Variants in SMYD3 observed in about 807,000 individuals in gnomAD.
SMYD3 encodes the protein SET and MYND domain containing 3, also known as histone-lysine N-methyltransferase SMYD3.
A neutral mutation model predicts 57.7 loss-of-function variants in SMYD3; 36 were observed. That is an observed-to-expected ratio of 0.62 (90% CI 0.48 to 0.82). SMYD3 has a LOEUF of 0.82. Ranked by LOEUF, SMYD3 falls within the 40% of genes least tolerant of loss-of-function variation. The pLI is 0.00. For missense variants in SMYD3, 515 were observed against 538.8 expected, an observed-to-expected ratio of 0.96 and a Z score of 0.44; for synonymous variants, 211 against 195.0, an observed-to-expected ratio of 1.08 and a Z score of -0.68.
chr1:246,362,139 C>A (rs2148715052), intron 1 of SMYD3, among the ~76,000 whole-genome samples: 1 of 152,202 alleles, frequency 6.6e-6, no homozygotes, highest in Non-Finnish European at 1.5e-5. Context: ...AAGTGCCCTA[C>A]TTCACTTCAT....
chr1:245,834,386 A>G (rs954499096), intron 10 of SMYD3, among the ~76,000 whole-genome samples: 2 of 152,188 alleles, frequency 1.3e-5, no homozygotes, highest in Admixed American at 6.5e-5. Flanking sequence ...CAGGCAGGTA[A>G]GCATGCGAAC....
intron 5 of SMYD3, among the ~76,000 whole-genome samples, chr1:246,307,610 G>A (rs1008430394): frequency 5.3e-5 from 8 of 151,810 alleles, no homozygotes; most frequent in South Asian, 2.1e-4. Context: ...TAGTAGAGAC[G>A]GGGTTTCACC....
chr1:245,956,421 C>G (rs1489192803), intron 5 of SMYD3, among the ~76,000 whole-genome samples: 8 of 152,186 alleles, frequency 5.3e-5, no homozygotes, highest in Non-Finnish European at 4.4e-5. Flanking sequence ...AGTGGACAGG[C>G]AGGAAATAAT....
intron 5 of SMYD3, among the ~76,000 whole-genome samples, chr1:246,135,435 T>A (rs1413154669): frequency 1.3e-5 from 2 of 152,132 alleles, no homozygotes; most frequent in Non-Finnish European, 1.5e-5. Flanking sequence ...AAGTAAGCCA[T>A]CTTAGGGACA....
At chr1:246,441,387 C>T (rs554352444) in intron 1 of SMYD3, among the ~76,000 whole-genome samples, 6 of 152,210 alleles carry the variant, frequency 3.9e-5, no homozygotes, top group African/African-American at 1.4e-4. Flanking sequence ...CTGAAAAGAA[C>T]CCTGAAATGA....
At chr1:246,079,928 T>C (rs993469271) in intron 5 of SMYD3, among the ~76,000 whole-genome samples, 6 of 152,174 alleles carry the variant, frequency 3.9e-5, no homozygotes, top group African/African-American at 1.4e-4. Context: ...GCCCAAATAA[T>C]TGAAAAAAGA....
intron 5 of SMYD3, among the ~76,000 whole-genome samples, chr1:246,079,688 G>T (rs1207213553): frequency 6.6e-6 from 1 of 152,182 alleles, no homozygotes; most frequent in Non-Finnish European, 1.5e-5. Context: ...ATGAGGCTTA[G>T]TGCATAGCCT....
chr1:246,332,077 A>G (rs1336337293), intron 3 of SMYD3, among the ~76,000 whole-genome samples: 2 of 152,208 alleles, frequency 1.3e-5, no homozygotes, highest in Non-Finnish European at 2.9e-5. Flanking sequence ...TAACTTTACA[A>G]TGACCTATAA....
chr1:245,802,729 G>A (rs2047933292), intron 10 of SMYD3, among the ~76,000 whole-genome samples: 1 of 152,186 alleles, frequency 6.6e-6, no homozygotes, highest in Non-Finnish European at 1.5e-5. Flanking sequence ...AACAACAAAA[G>A]TCAAGCTATG....
At chr1:246,145,150 T>C (rs1378878765) in intron 5 of SMYD3, among the ~76,000 whole-genome samples, 1 of 152,084 alleles carries the variant, frequency 6.6e-6, no homozygotes, top group Admixed American at 6.5e-5. Flanking sequence ...TTTAGCCTCC[T>C]GAGTTACTGA....
chr1:246,426,907 A>G (rs1260333682), intron 1 of SMYD3, among the ~76,000 whole-genome samples: 1 of 152,084 alleles, frequency 6.6e-6, no homozygotes, highest in African/African-American at 2.4e-5. Flanking sequence ...GAAATCCTAA[A>G]AAGAAAATAT....
At chr1:246,190,737 A>G (rs1301879429) in intron 5 of SMYD3, among the ~76,000 whole-genome samples, 1 of 152,110 alleles carries the variant, frequency 6.6e-6, no homozygotes, top group Non-Finnish European at 1.5e-5. Flanking sequence ...AGCCAACACT[A>G]TACTAAATAA....
At chr1:246,180,253 ATCTC>A (rs937673996) in intron 5 of SMYD3, among the ~76,000 whole-genome samples, 46 of 139,388 alleles carry the variant, frequency 3.3e-4, no homozygotes, top group African/African-American at 8.4e-4. Flanking sequence ...AGAAAACATA[ATCTC>A]TCTCTATATA....
chr1:246,428,853 C>T (rs2067259010), intron 1 of SMYD3, among the ~76,000 whole-genome samples: 1 of 151,662 alleles, frequency 6.6e-6, no homozygotes, highest in Non-Finnish European at 1.5e-5. Flanking sequence ...GATGGCTTCT[C>T]AGGCTGTGAC....
At chr1:246,413,383 G>C (rs1218313163) in intron 1 of SMYD3, among the ~76,000 whole-genome samples, 1 of 152,100 alleles carries the variant, frequency 6.6e-6, no homozygotes, top group Non-Finnish European at 1.5e-5. Flanking sequence ...GGCAAAAAAT[G>C]AGTAAATAGC....
At chr1:246,147,586 C>T (rs1474579472) in intron 5 of SMYD3, among the ~76,000 whole-genome samples, 2 of 151,986 alleles carry the variant, frequency 1.3e-5, no homozygotes, top group Non-Finnish European at 1.5e-5. Flanking sequence ...CCACCCAAAT[C>T]GTGGCTGCAG....
chr1:246,302,591 A>G (rs1478888397), intron 5 of SMYD3, among the ~76,000 whole-genome samples: 3 of 152,186 alleles, frequency 2.0e-5, no homozygotes. Flanking sequence ...GTTTAAGTTC[A>G]GATGAAGACT....
intron 5 of SMYD3, among the ~76,000 whole-genome samples, chr1:246,068,657 T>C (rs73137854): frequency 0.04 from 6,129 of 152,254 alleles, 144 homozygotes; most frequent in African/African-American, 0.052. Flanking sequence ...GGTACATGAG[T>C]TTACTGTTCA....
chr1:245,781,031 TG>T lies in SMYD3; in HGVS notation c.1077-16883del, dbSNP rs563858256. Among the ~76,000 whole-genome samples the T allele has an allele frequency of 5.2e-3, 795 of 152,278 alleles. 4 individuals carry two copies. Among genetic ancestry groups the T allele is most frequent in the African/African-American group, 0.017 (696 of 41,570 alleles). On this transcript the variant is annotated intron_variant, in intron 10 of 11. Coordinates refer to ENST00000490107, the MANE Select transcript of SMYD3 (RefSeq NM_001167740.2). ...TATATGATTCCATTGATAGGAAATTTGTAGAAAAAGCTGAACTATGGAGACA... is the reference window on the plus strand; with the variant it reads ...TATATGATTCCATTGATAGGAAATTTTAGAAAAAGCTGAACTATGGAGACA...
Sources: allele counts gnomAD v4.1 joint callset (sites outside exome capture counted in the v4.1 genomes callset), GRCh38; gene constraint gnomAD v4.1.1; transcripts MANE v1.5; gene names NCBI Gene and HGNC (gene_info 2026-07-23, HGNC 2026-07-21).